Variants in THOC2 observed in about 807,000 individuals in gnomAD.
The protein encoded by THOC2 is THO complex 2.
THOC2 carries 10 observed loss-of-function variants against 128.4 expected under a neutral mutation model. That is an observed-to-expected ratio of 0.08 (90% confidence interval 0.05 to 0.13). The LOEUF (loss-of-function observed/expected upper bound fraction) is 0.13. THOC2 is among the 10% of genes least tolerant of loss of function. The pLI is 1.00. For synonymous variants in THOC2, 393 were observed against 396.9 expected, an observed-to-expected ratio of 0.99 and a Z score of 0.12; for missense variants, 535 against 1,155.7, an observed-to-expected ratio of 0.46 and a Z score of 7.79.
At chrX:123,721,646 C>T (rs905623295) in intron 1 of THOC2, among the ~76,000 whole-genome samples, 1 of 107,949 alleles carries the variant, frequency 9.3e-6, no homozygotes, top group South Asian at 4.2e-4. Context: ...ATTAGCCAGG[C>T]GTGGTAGTGC....
At chrX:123,703,801 G>C (rs914144103) in intron 3 of THOC2, among the ~76,000 whole-genome samples, 235 of 97,272 alleles carry the variant, frequency 2.4e-3, no homozygotes, top group African/African-American at 8.5e-3. Context: ...TGAGGTGGGA[G>C]GATCATTTGA....
At chrX:123,666,308 T>C (rs931534844) in intron 11 of THOC2, among the ~76,000 whole-genome samples, 2 of 112,044 alleles carry the variant, frequency 1.8e-5, no homozygotes, top group African/African-American at 6.5e-5. Flanking sequence ...TTCCACAACC[T>C]AGGGTATGTA....
At chrX:123,721,939 C>T (rs1190352271) in intron 1 of THOC2, among the ~76,000 whole-genome samples, 1 of 112,265 alleles carries the variant, frequency 8.9e-6, no homozygotes, top group Non-Finnish European at 1.9e-5. Flanking sequence ...GTTTGAATTG[C>T]AAGCTGAACT....
At chrX:123,618,619 G>A (rs141811431) in intron 33 of THOC2, among the ~76,000 whole-genome samples, 25 of 111,690 alleles carry the variant, frequency 2.2e-4, no homozygotes, top group African/African-American at 8.1e-4. Flanking sequence ...AGATTCATTT[G>A]CTTGTAGCTT....
intron 12 of THOC2, among the ~76,000 whole-genome samples, chrX:123,647,679 C>T (rs1412996651): frequency 9.3e-6 from 1 of 108,096 alleles, no homozygotes; most frequent in Non-Finnish European, 1.9e-5. Context: ...CCTAAAAATG[C>T]AAAAAATTAG....
chrX:123,716,601 C>T (rs1357782686), intron 1 of THOC2, among the ~76,000 whole-genome samples: 1 of 109,238 alleles, frequency 9.2e-6, no homozygotes, highest in Non-Finnish European at 1.9e-5. Flanking sequence ...TGGTGGCAGG[C>T]GCGTGTAGAC....
intron 22 of THOC2, 90 bp downstream of exon 22, chrX:123,631,598 C>T (rs141625144): frequency 0.016 from 16,621 of 1,016,211 alleles, 222 homozygotes; most frequent in African/African-American, 0.085. Flanking sequence ...GACCTTCCCC[C>T]AAAATCTGTA....
chrX:123,608,326 G>A (rs1036657329), intron 38 of THOC2, among the ~76,000 whole-genome samples: 10 of 107,757 alleles, frequency 9.3e-5, no homozygotes, highest in African/African-American at 3.4e-4. Context: ...GCTTGAACCC[G>A]AGAGGTAGAG....
intron 2 of THOC2, among the ~76,000 whole-genome samples, chrX:123,710,845 C>T (rs2051152590): frequency 9.4e-6 from 1 of 105,937 alleles, no homozygotes; most frequent in Admixed American, 1.0e-4. Context: ...CAAAAGTTCG[C>T]CGGGCGTGGT....
At chrX:123,651,001 A>G (rs922889475) in intron 12 of THOC2, among the ~76,000 whole-genome samples, 2 of 112,141 alleles carry the variant, frequency 1.8e-5, no homozygotes, top group Non-Finnish European at 3.8e-5. Context: ...TCAACAGAAT[A>G]TACATTCTTC....
At chrX:123,615,656 TACACAC>T (rs988551946) in intron 33 of THOC2, among the ~76,000 whole-genome samples, 32 of 91,599 alleles carry the variant, frequency 3.5e-4, no homozygotes, top group Non-Finnish European at 6.5e-4. Flanking sequence ...AAAAAAAAAA[TACACAC>T]ACACACACAC....
chrX:123,642,161 C>G (rs946913724), intron 15 of THOC2, among the ~76,000 whole-genome samples: 1 of 112,250 alleles, frequency 8.9e-6, no homozygotes, highest in African/African-American at 3.2e-5. Flanking sequence ...TGCAGTGGCT[C>G]ACGCCTGTAA....
intron 8 of THOC2, among the ~76,000 whole-genome samples, chrX:123,681,641 G>A (rs2049787579): frequency 8.9e-6 from 1 of 112,038 alleles, no homozygotes; most frequent in Admixed American, 9.5e-5. Context: ...AAAAAATGGA[G>A]AAGGTGGGGA....
intron 29 of THOC2, 103 bp from the exon 30 acceptor site, chrX:123,622,963 G>T (rs940738029): frequency 2.3e-6 from 2 of 862,520 alleles, no homozygotes; most frequent in African/African-American, 2.0e-5. Flanking sequence ...ACAGCAAGCT[G>T]ATTACTTCTT....
chrX:123,630,739 G>A (rs998130443), intron 22 of THOC2, among the ~76,000 whole-genome samples: 11 of 109,608 alleles, frequency 1.0e-4, no homozygotes, highest in African/African-American at 3.3e-4. Flanking sequence ...CTCTCTCAAC[G>A]AAGGCTCTTC....
intron 12 of THOC2, among the ~76,000 whole-genome samples, chrX:123,659,573 A>C (rs937902306): frequency 2.7e-5 from 3 of 112,461 alleles, no homozygotes; most frequent in Non-Finnish European, 3.8e-5. Context: ...ACGTCTCAAA[A>C]AAAAACAAAA....
intron 15 of THOC2, among the ~76,000 whole-genome samples, chrX:123,641,515 G>C (rs1358821845): frequency 1.8e-5 from 2 of 111,425 alleles, no homozygotes; most frequent in African/African-American, 6.5e-5. Context: ...CCCAGTTTTG[G>C]TTTCATAGAA....
rs377107116 is a variant in THOC2 at position 123,624,684 on chromosome X, T to C, written c.3058-15A>G. 9 of 1,189,218 alleles carry C rather than the reference T, an allele frequency of 7.6e-6. No individual in the cohort carries two copies. The highest frequency in any genetic ancestry group is 4.7e-4 in the Middle Eastern group (2 of 4,284). On this transcript the variant is annotated splice_polypyrimidine_tract_variant and intron_variant, in intron 25 of 38. Coordinates refer to ENST00000245838, the MANE Select transcript of THOC2 (RefSeq NM_001081550.2). ...TCAGAGAAAACCTACAGGAGAAAAA[T>C]GTTTAAAAAATATAAACAAATCAAG...
At chrX:123,690,219 CAGAAGAG>C (rs2147882088) in intron 7 of THOC2, among the ~76,000 whole-genome samples, 1 of 111,151 alleles carries the variant, frequency 9.0e-6, no homozygotes, top group South Asian at 3.8e-4. Context: ...TCCGGGAAAA[CAGAAGAG>C]AGAAGAGAGG....
Sources: allele counts gnomAD v4.1 joint callset (sites outside exome capture counted in the v4.1 genomes callset), GRCh38; gene constraint gnomAD v4.1.1; transcripts MANE v1.5; gene names NCBI Gene and HGNC (gene_info 2026-07-23, HGNC 2026-07-21).